Variants in CDH13 observed in about 807,000 individuals in gnomAD.
The protein encoded by CDH13 is cadherin-13.
In CDH13, 24 loss-of-function variants were observed where a neutral mutation model predicts 63.8. The observed-to-expected ratio is 0.38, with a 90% CI of 0.27 to 0.53. CDH13 has a LOEUF of 0.53. Among genes scored for constraint, CDH13 ranks in the 20% least tolerant of loss-of-function variants. The pLI, the probability that CDH13 is intolerant of heterozygous loss-of-function variation, is 0.85. For synonymous variants in CDH13, 503 were observed against 355.3 expected, an observed-to-expected ratio of 1.42 and a Z score of -4.67; for missense variants, 1,049 against 903.1, an observed-to-expected ratio of 1.16 and a Z score of -2.07.
intron 6 of CDH13, among the ~76,000 whole-genome samples, chr16:83,405,551 G>A (rs533707979): frequency 3.9e-5 from 6 of 152,282 alleles, no homozygotes; most frequent in East Asian, 1.9e-4. Flanking sequence ...TCACTAGAAG[G>A]AATGTAGCCC....
intron 10 of CDH13, among the ~76,000 whole-genome samples, chr16:83,720,344 C>G (rs1413633297): frequency 6.6e-6 from 1 of 152,174 alleles, no homozygotes; most frequent in Non-Finnish European, 1.5e-5. Context: ...CATGTGCACT[C>G]ACACATGCAC....
intron 2 of CDH13, among the ~76,000 whole-genome samples, chr16:82,870,259 A>G (rs1019534713): frequency 6.6e-6 from 1 of 152,208 alleles, no homozygotes; most frequent in African/African-American, 2.4e-5. Flanking sequence ...AAATGTATAT[A>G]TAAACATATT....
chr16:83,459,250 T>G (rs763944737), intron 6 of CDH13, among the ~76,000 whole-genome samples: 1 of 152,236 alleles, frequency 6.6e-6, no homozygotes, highest in Non-Finnish European at 1.5e-5. Flanking sequence ...GCAATGCCAT[T>G]GACAAGAAAC....
At chr16:82,893,465 C>A (rs186534901) in intron 2 of CDH13, among the ~76,000 whole-genome samples, 8 of 152,278 alleles carry the variant, frequency 5.3e-5, no homozygotes, top group Non-Finnish European at 8.8e-5. Flanking sequence ...TGTTAATCTA[C>A]AAGTGTGATC....
At chr16:82,668,743 GC>G (rs1467607435) in intron 1 of CDH13, among the ~76,000 whole-genome samples, 1 of 152,138 alleles carries the variant, frequency 6.6e-6, no homozygotes, top group Admixed American at 6.5e-5. Flanking sequence ...AGTAACTTGG[GC>G]CTCCTGGAAT....
chr16:83,645,698 G>T (rs550786961), intron 8 of CDH13, among the ~76,000 whole-genome samples: 2 of 151,626 alleles, frequency 1.3e-5, no homozygotes, highest in South Asian at 2.1e-4. Flanking sequence ...TCCCAGAAAG[G>T]CCACATGAGA....
chr16:83,243,806 T>C (rs1904713449), intron 5 of CDH13, among the ~76,000 whole-genome samples: 1 of 152,186 alleles, frequency 6.6e-6, no homozygotes, highest in African/African-American at 2.4e-5. Flanking sequence ...GTAAATGAGA[T>C]CTTAGCCTCA....
chr16:83,204,048 G>A (rs544446717), intron 4 of CDH13, among the ~76,000 whole-genome samples: 9 of 152,294 alleles, frequency 5.9e-5, no homozygotes, highest in African/African-American at 1.4e-4. Context: ...GAAGTCCCTC[G>A]TCCTGGCTCT....
At chr16:83,382,774 C>G (rs995005814) in intron 6 of CDH13, among the ~76,000 whole-genome samples, 1 of 152,152 alleles carries the variant, frequency 6.6e-6, no homozygotes, top group African/African-American at 2.4e-5. Flanking sequence ...TTTTTCATAT[C>G]TGGCCCAGGA....
At chr16:83,006,639 T>A (rs1170601441) in intron 2 of CDH13, among the ~76,000 whole-genome samples, 1 of 152,164 alleles carries the variant, frequency 6.6e-6, no homozygotes, top group African/African-American at 2.4e-5. Flanking sequence ...TGATAGTGTC[T>A]AAAGAAGCAA....
At chr16:82,676,286 A>G (rs1353042447) in intron 1 of CDH13, among the ~76,000 whole-genome samples, 1 of 152,042 alleles carries the variant, frequency 6.6e-6, no homozygotes, top group Admixed American at 6.5e-5. Context: ...TTTCCAATTT[A>G]GTGTGTGATC....
intron 7 of CDH13, among the ~76,000 whole-genome samples, chr16:83,570,768 TATGA>T (rs1479634259): frequency 2.1e-5 from 3 of 141,662 alleles, no homozygotes; most frequent in Non-Finnish European, 4.6e-5. Context: ...TATTTATATA[TATGA>T]ATAAAATATA....
chr16:82,725,999 G>C (rs543885520), intron 1 of CDH13, among the ~76,000 whole-genome samples: 2 of 152,136 alleles, frequency 1.3e-5, no homozygotes, highest in Non-Finnish European at 2.9e-5. Flanking sequence ...GAGGGTGGCC[G>C]TGCCATTCAA....
chr16:83,001,075 C>T (rs1451988334), intron 2 of CDH13, among the ~76,000 whole-genome samples: 1 of 152,246 alleles, frequency 6.6e-6, no homozygotes, highest in Non-Finnish European at 1.5e-5. Context: ...TACTGCTCTA[C>T]TTACCTGCTT....
At chr16:83,019,111 CT>C (rs1915095045) in intron 2 of CDH13, among the ~76,000 whole-genome samples, 2 of 152,164 alleles carry the variant, frequency 1.3e-5, no homozygotes, top group East Asian at 1.9e-4. Context: ...CTTACTGTAA[CT>C]TTTTTACTTT....
chr16:83,441,054 C>T (rs1229555316), intron 6 of CDH13, among the ~76,000 whole-genome samples: 1 of 152,128 alleles, frequency 6.6e-6, no homozygotes, highest in East Asian at 1.9e-4. Context: ...ATTTTATTAT[C>T]TGTTCTTTCA....
At chr16:82,635,596 A>G (rs767988569) in intron 1 of CDH13, among the ~76,000 whole-genome samples, 2 of 152,214 alleles carry the variant, frequency 1.3e-5, no homozygotes, top group Non-Finnish European at 2.9e-5. Context: ...TTCTGGCTAC[A>G]AGTAGCAAAT....
intron 1 of CDH13, among the ~76,000 whole-genome samples, chr16:82,721,007 C>G (rs1036239272): frequency 6.6e-6 from 1 of 152,154 alleles, no homozygotes; most frequent in African/African-American, 2.4e-5. Context: ...TGGGATGAAG[C>G]CATGATAATT....
intron 1 of CDH13, among the ~76,000 whole-genome samples, chr16:82,809,886 C>G (rs200698987): frequency 6.6e-6 from 1 of 152,050 alleles, no homozygotes; most frequent in African/African-American, 2.4e-5. Context: ...TCTCAAGATA[C>G]ATATAAGGTG....
Sources: gnomAD v4.1 joint callset for allele counts (sites outside exome capture counted in the v4.1 genomes callset) on GRCh38, gnomAD v4.1.1 for gene constraint, MANE v1.5 for transcripts, NCBI Gene and HGNC (gene_info 2026-07-23, HGNC 2026-07-21) for gene names.